Variants in PACS1 observed in about 807,000 individuals in gnomAD.
The protein encoded by PACS1 is phosphofurin acidic cluster sorting protein 1, also known as PACS-1.
PACS1 carries 24 observed loss-of-function variants against 115.0 expected under a neutral mutation model. The observed-to-expected ratio is 0.21, with a 90% CI of 0.15 to 0.29. The LOEUF (loss-of-function observed/expected upper bound fraction) is 0.29. Among genes scored for constraint, PACS1 ranks in the 10% least tolerant of loss-of-function variants. The probability of loss-of-function intolerance (pLI) is 1.00; values close to 1 mark genes in which losing one functional copy is unlikely to be tolerated. For missense variants in PACS1, 838 were observed against 1,251.2 expected, an observed-to-expected ratio of 0.67 and a Z score of 4.98; for synonymous variants, 453 against 504.5, an observed-to-expected ratio of 0.90 and a Z score of 1.37.
chr11:66,071,643 A>G (rs998061642), intron 1 of PACS1, among the ~76,000 whole-genome samples: 24 of 152,218 alleles, frequency 1.6e-4, no homozygotes, highest in African/African-American at 5.8e-4. Context: ...TGTGTCTTAC[A>G]GTTTGCCACT....
At chr11:66,206,393 T>A (rs1854939798) in intron 2 of PACS1, among the ~76,000 whole-genome samples, 1 of 152,090 alleles carries the variant, frequency 6.6e-6, no homozygotes, top group Non-Finnish European at 1.5e-5. Flanking sequence ...CCATGAAAGC[T>A]AAACCCCTGG....
At chr11:66,201,623 A>G (rs1229605699) in intron 2 of PACS1, among the ~76,000 whole-genome samples, 1 of 149,566 alleles carries the variant, frequency 6.7e-6, no homozygotes, top group Non-Finnish European at 1.5e-5. Context: ...AATGAAATTG[A>G]AAAAAAAAAG....
chr11:66,184,963 T>A (rs994780869), intron 1 of PACS1, among the ~76,000 whole-genome samples: 2 of 152,168 alleles, frequency 1.3e-5, no homozygotes, highest in Non-Finnish European at 2.9e-5. Context: ...AGGGCTTGCA[T>A]GCCTATGAAG....
intron 10 of PACS1, among the ~76,000 whole-genome samples, chr11:66,224,310 G>A (rs1260181750): frequency 6.6e-6 from 1 of 151,908 alleles, no homozygotes. Flanking sequence ...CTGAGTTTGA[G>A]TCTTGACTCC....
chr11:66,126,075 A>G (rs2134569284), intron 1 of PACS1, among the ~76,000 whole-genome samples: 1 of 151,374 alleles, frequency 6.6e-6, no homozygotes, highest in South Asian at 2.1e-4. Context: ...CAACTCTAAT[A>G]CTTAGCTTTT....
chr11:66,147,036 G>C (rs962249133), intron 1 of PACS1, among the ~76,000 whole-genome samples: 1 of 152,116 alleles, frequency 6.6e-6, no homozygotes, highest in South Asian at 2.1e-4. Flanking sequence ...ACTCCAGCTT[G>C]GGCGACCAAG....
At chr11:66,224,957 T>G (rs377259773) in intron 10 of PACS1, among the ~76,000 whole-genome samples, 16 of 152,194 alleles carry the variant, frequency 1.1e-4, no homozygotes, top group African/African-American at 3.9e-4. Flanking sequence ...AGAAAGAATT[T>G]CTCCTGATAC....
chr11:66,183,904 A>C (rs928960581), intron 1 of PACS1, among the ~76,000 whole-genome samples: 1 of 152,184 alleles, frequency 6.6e-6, no homozygotes, highest in African/African-American at 2.4e-5. Flanking sequence ...GAGTAGTGAC[A>C]TCTGGGTGTT....
At chr11:66,116,426 G>A (rs1039368410) in intron 1 of PACS1, among the ~76,000 whole-genome samples, 1 of 152,248 alleles carries the variant, frequency 6.6e-6, no homozygotes, top group African/African-American at 2.4e-5. Context: ...CTAAGGTTGT[G>A]AGAACCTAGA....
intron 10 of PACS1, among the ~76,000 whole-genome samples, chr11:66,222,509 G>A (rs1855373598): frequency 6.6e-6 from 1 of 152,124 alleles, no homozygotes; most frequent in Non-Finnish European, 1.5e-5. Context: ...CTAGGAAGCT[G>A]CTCTTCCTTC....
chr11:66,114,417 C>CAAA (rs34972929), intron 1 of PACS1, among the ~76,000 whole-genome samples: 5 of 132,134 alleles, frequency 3.8e-5, no homozygotes, highest in African/African-American at 8.6e-5. Context: ...GACTCCGCCT[C>CAAA]AAAAAAAAAA....
chr11:66,184,609 A>C (rs911543141), intron 1 of PACS1, among the ~76,000 whole-genome samples: 2 of 152,358 alleles, frequency 1.3e-5, no homozygotes, highest in East Asian at 3.9e-4. Flanking sequence ...TGAGAGCTAA[A>C]TAATTTCTTG....
chr11:66,076,302 G>A (rs187265765), intron 1 of PACS1, among the ~76,000 whole-genome samples: 6 of 152,292 alleles, frequency 3.9e-5, no homozygotes, highest in African/African-American at 1.4e-4. Flanking sequence ...AGTTGTCACT[G>A]TTGTTGTAGG....
At chr11:66,145,424 G>A (rs774028813) in intron 1 of PACS1, among the ~76,000 whole-genome samples, 17 of 152,130 alleles carry the variant, frequency 1.1e-4, no homozygotes, top group African/African-American at 2.7e-4. Flanking sequence ...AGTAGCAAGA[G>A]AACAAGGAAG....
intron 10 of PACS1, among the ~76,000 whole-genome samples, chr11:66,223,995 C>G (rs932620188): frequency 2.6e-5 from 4 of 151,970 alleles, no homozygotes; most frequent in Admixed American, 2.6e-4. Flanking sequence ...GTCAGGAGTT[C>G]GAGACCAGCC....
At chr11:66,109,299 C>T (rs935735768) in intron 1 of PACS1, among the ~76,000 whole-genome samples, 1 of 152,046 alleles carries the variant, frequency 6.6e-6, no homozygotes, top group African/African-American at 2.4e-5. Flanking sequence ...TGGTGGCTCA[C>T]GCATGTAATC....
At chr11:66,208,675 AAG>A (rs1855000689) in intron 2 of PACS1, among the ~76,000 whole-genome samples, 3 of 123,718 alleles carry the variant, frequency 2.4e-5, no homozygotes, top group Admixed American at 8.0e-5. Context: ...AAAAAAAAAG[AAG>A]AAGAAAAAGA....
At chr11:66,111,223 T>C (rs769743572) in intron 1 of PACS1, among the ~76,000 whole-genome samples, 4 of 152,158 alleles carry the variant, frequency 2.6e-5, no homozygotes, top group Non-Finnish European at 5.9e-5. Context: ...AAAGGTACAG[T>C]AAAAATACAG....
chr11:66,241,145 T>C (rs1446795696), intron 21 of PACS1: 1 of 403,886 alleles, frequency 2.5e-6, no homozygotes, highest in Non-Finnish European at 4.6e-6. Flanking sequence ...CACACACACT[T>C]TCTTCCTTCA....
Sources: gnomAD v4.1 joint callset for allele counts (sites outside exome capture counted in the v4.1 genomes callset) on GRCh38, gnomAD v4.1.1 for gene constraint, MANE v1.5 for transcripts, NCBI Gene and HGNC (gene_info 2026-07-23, HGNC 2026-07-21) for gene names.